NUP205: variants seen among roughly 807,000 people sequenced by gnomAD.
NUP205 encodes the protein nuclear pore complex protein Nup205.
In NUP205, 76 loss-of-function variants were observed where a neutral mutation model predicts 253.8. That is an observed-to-expected ratio of 0.30 (90% CI 0.25 to 0.36). The LOEUF (loss-of-function observed/expected upper bound fraction) is 0.36. Ranked by LOEUF, NUP205 falls within the 10% of genes least tolerant of loss-of-function variation. The pLI is 1.00. For synonymous variants in NUP205, 832 were observed against 850.1 expected (o/e 0.98, Z 0.37); for missense variants, 2,162 against 2,425.5 (o/e 0.89, Z 2.28).
intron 20 of NUP205, 129 bp downstream of exon 20, chr7:135,606,355 C>A: frequency 1.4e-6 from 1 of 690,378 alleles, no homozygotes. Context: ...TGCTAGAATA[C>A]AGGTTGAGAA....
At position 135,618,692 on chromosome 7, in the gene NUP205, C is replaced by T. The variant is rs537652656; in HGVS notation, c.3963+89C>T. ...TGGCATCCTAATTGTTTTCCATTTT[C>T]GATTGGGAGTAAAATAGAATTGTGC... On this transcript the variant is annotated intron_variant, in intron 28 of 42. Transcript: ENST00000285968. 4.4e-5 allele frequency: 50 copies of T among 1,132,782 alleles called. No individual in the cohort carries two copies. In the East Asian group the frequency reaches 9.7e-4, roughly 22 times the overall value. 70.2% of individuals were successfully genotyped at this position (1,132,782 alleles called of 1,614,324 possible).
chr7:135,602,987 A>G lies in NUP205; in HGVS notation c.2695A>G (p.Ile899Val). ...TAAGAAGGCAGATAATGTGGTAAAC[A>G]TTGCCAGGTAAGTTACCTTTGTAGG... ...RTKKADNVVN[I>V]ARYLYHGNTN... is the part of the protein sequence containing the mutation. Residue 899 changes from isoleucine (I) to valine (V), a missense_variant, in exon 18 of 43, where the codon ATT becomes GTT. Ile to Val is a conservative substitution (Grantham distance 29). Transcript: ENST00000285968. 1 of 1,607,008 alleles carries G rather than the reference A, an allele frequency of 6.2e-7. No individual in the cohort carries two copies. The highest frequency in any genetic ancestry group is 8.5e-7 in the Non-Finnish European group (1 of 1,175,320).
intron 36 of NUP205, 71 bp downstream of exon 36, chr7:135,635,728 G>T: frequency 1.1e-6 from 1 of 884,218 alleles, no homozygotes; most frequent in Non-Finnish European, 1.8e-6. Flanking sequence ...TCCCCATTGT[G>T]CCCCCTAGAT....
intron 24 of NUP205, 30 bp downstream of exon 24, chr7:135,616,095 G>A (rs376293382): frequency 6.3e-7 from 1 of 1,590,102 alleles, no homozygotes; most frequent in Non-Finnish European, 8.6e-7. Context: ...TTATTGTGCT[G>A]GTGACTAGTT....
chr7:135,572,638 T>G (rs1267803313), intron 2 of NUP205, among the ~76,000 whole-genome samples: 1 of 152,238 alleles, frequency 6.6e-6, no homozygotes. Flanking sequence ...CTTGGCTCAC[T>G]GCAACCTCCC....
Position 135,594,664 on chromosome 7 carries a change from C to T in NUP205, c.1948C>T (p.Leu650Phe). 1 of 1,613,856 alleles carries T rather than the reference C, an allele frequency of 6.2e-7. No individual in the cohort carries two copies. Among genetic ancestry groups the T allele is most frequent in the South Asian group, 1.1e-5 (1 of 91,040 alleles). Residue 650 changes from leucine (L) to phenylalanine (F), a missense_variant, in exon 13 of 43, where the codon CTC becomes TTC. Leu to Phe is a conservative substitution (Grantham distance 22). Transcript: ENST00000285968. Reference sequence around the variant, plus strand: ...CCTAAAAGCTGAGCTACTGAAGACACTCGCAGCTTTTGGAAAATCTCCTGA... The same window carrying T: ...CCTAAAAGCTGAGCTACTGAAGACATTCGCAGCTTTTGGAAAATCTCCTGA... ...PVLKAELLKTLAAFGKSPEIA... is the reference protein window; with the variant it reads ...PVLKAELLKTFAAFGKSPEIA...
In NUP205 at chr7:135,616,077, T is replaced by A. The variant is rs1281911340; in HGVS notation, c.3460+12T>A. ...GAAACCATACTCAGGTGAGTATTAG[T>A]ATTTGTTTTATTGTGCTGGTGACTA... On this transcript the variant is annotated intron_variant, in intron 24 of 42. Coordinates refer to ENST00000285968, the MANE Select transcript of NUP205 (RefSeq NM_015135.3). The A allele has an allele frequency of 6.2e-7, 1 of 1,607,788 alleles. No homozygotes were observed. The highest frequency in any genetic ancestry group is 1.1e-5 in the South Asian group (1 of 90,280).
At chr7:135,602,628 A>G (rs1038010971) in intron 17 of NUP205, among the ~76,000 whole-genome samples, 177 bp from the exon 18 acceptor site, 1 of 152,238 alleles carries the variant, frequency 6.6e-6, no homozygotes, top group Non-Finnish European at 1.5e-5. Flanking sequence ...GTTGGAGCTG[A>G]AATTTTGAAA....
chr7:135,569,206 G>GA (rs1269688862), intron 1 of NUP205, among the ~76,000 whole-genome samples: 1 of 152,182 alleles, frequency 6.6e-6, no homozygotes, highest in African/African-American at 2.4e-5. Flanking sequence ...GAGTAGCTGG[G>GA]ATTACAGGCG....
chr7:135,581,243 T>C (rs1212982928), intron 7 of NUP205, among the ~76,000 whole-genome samples: 1 of 152,204 alleles, frequency 6.6e-6, no homozygotes, highest in Non-Finnish European at 1.5e-5. Flanking sequence ...TTTATTATAT[T>C]ATTCTATAAA....
chr7:135,567,126 GTGTATATATATATATATATA>G (rs1295921628), intron 1 of NUP205, among the ~76,000 whole-genome samples: 5 of 5,364 alleles, frequency 9.3e-4, no homozygotes, highest in African/African-American at 1.1e-3. Flanking sequence ...CAGTCTATGT[GTGTATATATATATATATATA>G]TATATATATA....
chr7:135,638,785 T>G (rs1393138422), intron 38 of NUP205, 102 bp downstream of exon 38: 7 of 1,157,390 alleles, frequency 6.0e-6, no homozygotes, highest in African/African-American at 4.6e-5. Context: ...TTCTTTTAAG[T>G]GTCATTAATG....
At chr7:135,597,308 C>A in intron 13 of NUP205, 60 bp from the exon 14 acceptor site, 1 of 1,216,836 alleles carries the variant, frequency 8.2e-7, no homozygotes, top group Non-Finnish European at 1.2e-6. Flanking sequence ...TATTGCAAAG[C>A]CACTAATATT....
At position 135,576,288 on chromosome 7, in the gene NUP205, A is replaced by G. The variant is rs1246134439; in HGVS notation, c.362A>G (p.His121Arg). ...TTTTTAGGAGAGCATCAACAGCCACATTTTCCTGGCCTTACCAGAGGATTA... is the reference window on the plus strand; with the variant it reads ...TTTTTAGGAGAGCATCAACAGCCACGTTTTCCTGGCCTTACCAGAGGATTA... ...LLLAGEHQQP[H>R]FPGLTRGLVA... The change falls in exon 4 of 43, where the codon CAT becomes CGT. Residue 121 changes from histidine to arginine, a missense_variant. Transcript: ENST00000285968. The G allele has an allele frequency of 6.2e-7, 1 of 1,612,880 alleles. No homozygotes were observed. The highest frequency in any genetic ancestry group is 8.5e-7 in the Non-Finnish European group (1 of 1,179,574).
rs373590569 is a variant in NUP205 at position 135,570,052 on chromosome 7, TAGAGAGAGAG to T, written c.29-1019_29-1010del. Reference sequence around the variant, plus strand: ...TTTTATATATATATATATATATATATAGAGAGAGAGAGAGAGAGAGAGAGAGAGAGAGAGA... The same window carrying T: ...TTTTATATATATATATATATATATATAGAGAGAGAGAGAGAGAGAGAGAGA... On this transcript the variant is annotated intron_variant, in intron 1 of 42. Transcript: ENST00000285968. Among the ~76,000 whole-genome samples, 629 of 79,156 alleles carry T rather than the reference TAGAGAGAGAG, an allele frequency of 7.9e-3. 6 individuals are homozygous for T. Among genetic ancestry groups the T allele is most frequent in the Non-Finnish European group, 0.011 (475 of 41,610 alleles). The allele number at this position is 79,156 out of a possible 152,430, so 51.9% of individuals were successfully genotyped here. A position where few individuals can be genotyped will look rare whatever the true frequency, so the allele number is the denominator to read the frequency against.
At position 135,615,970 on chromosome 7, in the gene NUP205, T is replaced by C. The variant is rs1166149760; in HGVS notation, c.3365T>C (p.Ile1122Thr). The change falls in exon 24 of 43, where the codon ATA (isoleucine) becomes ACA (threonine). Residue 1122 changes from isoleucine (I) to threonine (T), a missense_variant. Ile to Thr is a moderately conservative substitution (Grantham distance 89). Transcript: ENST00000285968. ...TCATGGCTTATGAAAACTGCCTCAATAGAGCTAAGGGTAACCTCTCTGAAT... is the reference window on the plus strand; with the variant it reads ...TCATGGCTTATGAAAACTGCCTCAACAGAGCTAAGGGTAACCTCTCTGAAT... Reference protein sequence around the residue: ...QMSWLMKTASIELRVTSLNRQ... With the variant: ...QMSWLMKTASTELRVTSLNRQ... The C allele has an allele frequency of 1.2e-6, 2 of 1,613,544 alleles. No individual in the cohort carries two copies. The highest frequency in any genetic ancestry group is 1.3e-5 in the African/African-American group (1 of 75,036).
At chr7:135,625,019 AT>A (rs1794555430) in intron 31 of NUP205, 144 bp from the exon 32 acceptor site, 3 of 697,212 alleles carry the variant, frequency 4.3e-6, no homozygotes, top group Non-Finnish European at 4.6e-6. Flanking sequence ...TCAAAAAAAA[AT>A]AAAAAGGAAA....
At position 135,619,771 on chromosome 7, in the gene NUP205, A is replaced by G. The variant is rs1291618361; in HGVS notation, c.4232-19A>G. 6.3e-7 allele frequency: 1 copy of G among 1,597,930 alleles called. No individual in the cohort carries two copies. Among genetic ancestry groups the G allele is most frequent in the African/African-American group, 1.4e-5 (1 of 74,020 alleles). ...AATTGAGAAAAGATTTTCATTTGAC[A>G]TCTTCCTAATCTCCCTAGGTGGTGG... On this transcript the variant is annotated intron_variant, in intron 29 of 42. Coordinates refer to ENST00000285968, the MANE Select transcript of NUP205 (RefSeq NM_015135.3).
At chr7:135,645,123 A>T in intron 40 of NUP205, 105 bp downstream of exon 40, 1 of 1,360,384 alleles carries the variant, frequency 7.4e-7, no homozygotes, top group Non-Finnish European at 1.0e-6. Context: ...AAGGAGATAA[A>T]CTTAATTTTT....
Sources: gnomAD v4.1 joint callset for allele counts (sites outside exome capture counted in the v4.1 genomes callset) on GRCh38, gnomAD v4.1.1 for gene constraint, MANE v1.5 for transcripts, NCBI Gene and HGNC (gene_info 2026-07-23, HGNC 2026-07-21) for gene names.